The following UCHL5 variants were observed in gnomAD, a reference collection of about 807,000 sequenced individuals.
UCHL5 encodes ubiquitin C-terminal hydrolase L5.
Under a neutral mutation model 53.8 loss-of-function variants are expected in UCHL5, and 34 were observed. The ratio of observed to expected loss-of-function variants is 0.63; its 90% confidence interval spans 0.48 to 0.84. UCHL5 has a LOEUF of 0.84. Among genes scored for constraint, UCHL5 ranks in the 40% least tolerant of loss-of-function variants. UCHL5 has a pLI of 0.00. For synonymous variants in UCHL5, 111 were observed against 126.3 expected (o/e 0.88, Z 0.81); for missense variants, 290 against 385.6 (o/e 0.75, Z 2.08).
Position 193,029,662 on chromosome 1 carries a change from A to G in UCHL5, c.247-5T>C, listed in dbSNP as rs773403394. The stretch of plus-strand genomic sequence containing the variant: ...AGCACAAGCATTATTAATTACCTAT[A>G]AAATATAAAAGTGAAGATATCAATG... On this transcript the variant is annotated splice_polypyrimidine_tract_variant and splice_region_variant and intron_variant, in intron 3 of 10. Transcript: ENST00000367454. 1 of 1,583,244 alleles carries G rather than the reference A, an allele frequency of 6.3e-7. No individual in the cohort carries two copies. The highest frequency in any genetic ancestry group is 1.9e-5 in the Admixed American group (1 of 53,430).
At chr1:193,027,142 A>ATCCTTTTTT (rs1659570980) in intron 7 of UCHL5, among the ~76,000 whole-genome samples, 2 of 152,306 alleles carry the variant, frequency 1.3e-5, no homozygotes, top group African/African-American at 2.4e-5. Context: ...CTTTGTGGAG[A>ATCCTTTTTT]GCAAATTTTG....
At chr1:193,036,087 A>G (rs555473951) in intron 3 of UCHL5, among the ~76,000 whole-genome samples, 158 of 152,098 alleles carry the variant, frequency 1.0e-3, no homozygotes, top group Middle Eastern at 3.4e-3. Context: ...GAGACCAATT[A>G]CAAAACAACC....
intron 3 of UCHL5, among the ~76,000 whole-genome samples, chr1:193,046,641 AT>A (rs1271249616): frequency 6.8e-6 from 1 of 147,772 alleles, no homozygotes; most frequent in African/African-American, 2.4e-5. Flanking sequence ...TATTAAATAT[AT>A]TTAAATATAA....
At chr1:193,035,141 GA>G (rs200748454) in intron 3 of UCHL5, among the ~76,000 whole-genome samples, 1 of 148,472 alleles carries the variant, frequency 6.7e-6, no homozygotes, top group African/African-American at 2.5e-5. Flanking sequence ...ACCCACTCAA[GA>G]AAAAAAAACA....
At chr1:193,041,617 T>C (rs987836305) in intron 3 of UCHL5, among the ~76,000 whole-genome samples, 6 of 152,226 alleles carry the variant, frequency 3.9e-5, no homozygotes, top group African/African-American at 1.4e-4. Flanking sequence ...ATACTCATTC[T>C]ACTTCTAGGT....
intron 7 of UCHL5, among the ~76,000 whole-genome samples, chr1:193,027,493 T>C (rs2102418410): frequency 6.6e-6 from 1 of 152,124 alleles, no homozygotes; most frequent in East Asian, 1.9e-4. Context: ...GAGACAAGCC[T>C]GGAGAACATG....
chr1:193,034,100 T>C (rs1662497716), intron 3 of UCHL5, among the ~76,000 whole-genome samples: 1 of 152,014 alleles, frequency 6.6e-6, no homozygotes, highest in Non-Finnish European at 1.5e-5. Context: ...TTCAGAAAGA[T>C]TCAGTTTAAG....
chr1:193,013,651 TC>T lies in UCHL5; in HGVS notation c.*2699del, dbSNP rs1350316825. ...GAGAATACATTAAAAGCCCTTTTTT[TC>T]CCTCAAATAAACAAAATCCTCCTAC... On this transcript the variant is annotated 3_prime_UTR_variant, in exon 11 of 11. Coordinates refer to ENST00000367454, the MANE Select transcript of UCHL5 (RefSeq NM_001199261.3). The T allele has an allele frequency of 6.6e-6, 1 of 152,160 alleles. No homozygotes were observed. Among genetic ancestry groups the T allele is most frequent in the Non-Finnish European group, 1.5e-5 (1 of 68,016 alleles). The allele number at this position is 152,160 out of a possible 1,614,324, so 9.4% of individuals were successfully genotyped here.
chr1:193,024,017 C>T (rs1658160307), intron 7 of UCHL5, 71 bp from the exon 8 acceptor site: 4 of 1,055,110 alleles, frequency 3.8e-6, no homozygotes, highest in East Asian at 5.6e-5. Context: ...GATAATCCAT[C>T]GTGATTCCCC....
intron 3 of UCHL5, among the ~76,000 whole-genome samples, chr1:193,039,594 T>C (rs1250527703): frequency 1.3e-5 from 2 of 152,100 alleles, no homozygotes; most frequent in East Asian, 1.9e-4. Context: ...ACAGATTCAA[T>C]GCACTCCCTA....
intron 7 of UCHL5, 61 bp downstream of exon 7, chr1:193,028,024 C>T (rs2102430456): frequency 1.1e-5 from 18 of 1,577,628 alleles, no homozygotes; most frequent in South Asian, 9.5e-5. Context: ...CAATAAAATA[C>T]AAGTTTAAAA....
At chr1:193,026,485 C>T (rs999624459) in intron 7 of UCHL5, among the ~76,000 whole-genome samples, 1 of 152,208 alleles carries the variant, frequency 6.6e-6, no homozygotes, top group East Asian at 1.9e-4. Context: ...GAGCTAAAGG[C>T]ACGAAAAGAT....
chr1:193,045,475 CTT>C (rs1318532780), intron 3 of UCHL5, among the ~76,000 whole-genome samples: 1 of 152,184 alleles, frequency 6.6e-6, no homozygotes, highest in African/African-American at 2.4e-5. Flanking sequence ...CCCACTCTCT[CTT>C]TCTCTCTTGC....
chr1:193,042,286 T>C (rs768855307), intron 3 of UCHL5, among the ~76,000 whole-genome samples: 27 of 152,156 alleles, frequency 1.8e-4, no homozygotes, highest in African/African-American at 5.1e-4. Flanking sequence ...GAGAAGTACA[T>C]TGAACGATGG....
At chr1:193,050,755 GA>G (rs573402885) in intron 2 of UCHL5, among the ~76,000 whole-genome samples, 2,043 of 125,048 alleles carry the variant, frequency 0.016, 39 homozygotes, top group African/African-American at 0.053. Flanking sequence ...AAAAGAAAAA[GA>G]AAAAAAAAAA....
chr1:193,029,816 T>C (rs1161199274), intron 3 of UCHL5, among the ~76,000 whole-genome samples, 159 bp from the exon 4 acceptor site: 2 of 152,168 alleles, frequency 1.3e-5, no homozygotes, highest in Non-Finnish European at 2.9e-5. Flanking sequence ...TCCTAATCTA[T>C]TTTCAGAAAT....
intron 3 of UCHL5, among the ~76,000 whole-genome samples, chr1:193,043,696 G>A (rs568001231): frequency 6.6e-6 from 1 of 152,266 alleles, no homozygotes; most frequent in East Asian, 1.9e-4. Flanking sequence ...GGAGACTAAG[G>A]TCCAGCCACA....
At position 193,051,786 on chromosome 1, in the gene UCHL5, C is replaced by A; in HGVS notation, c.108G>T (p.Trp36Cys). 1 of 1,600,568 alleles carries A rather than the reference C, an allele frequency of 6.2e-7. No individual in the cohort carries two copies. Residue 36 changes from tryptophan (W) to cysteine (C), a missense_variant, in exon 2 of 11, where the codon TGG becomes TGT. Transcript: ENST00000367454. ...TTTCAAAATTCTCAGGCTCTAAACT[C>A]CATATTTCTTCTACTTGGGCTCCTC... ...GCRGAQVEEIWSLEPENFEKL... is the reference protein window; with the variant it reads ...GCRGAQVEEICSLEPENFEKL...
intron 1 of UCHL5, among the ~76,000 whole-genome samples, chr1:193,058,158 T>C (rs1039228108): frequency 6.6e-6 from 1 of 150,638 alleles, no homozygotes; most frequent in Non-Finnish European, 1.5e-5. Flanking sequence ...CCCCGAGAGA[T>C]GGAGGTTGCA....
Sources: gnomAD v4.1 joint callset for allele counts (sites outside exome capture counted in the v4.1 genomes callset) on GRCh38, gnomAD v4.1.1 for gene constraint, MANE v1.5 for transcripts, NCBI Gene and HGNC (gene_info 2026-07-23, HGNC 2026-07-21) for gene names.